The following NRXN1 variants were observed in gnomAD, a reference collection of about 807,000 sequenced individuals.
The protein encoded by NRXN1 is neurexin-1.
Under a neutral mutation model 150.9 loss-of-function variants are expected in NRXN1, and 39 were observed. The observed-to-expected ratio is 0.26, with a 90% CI of 0.20 to 0.34. The LOEUF is 0.34. NRXN1 is among the 10% of genes least tolerant of loss of function. The pLI, the probability that NRXN1 is intolerant of heterozygous loss-of-function variation, is 1.00. For missense variants in NRXN1, 1,815 were observed against 1,949.9 expected, an observed-to-expected ratio of 0.93 and a Z score of 1.30; for synonymous variants, 924 against 757.0, an observed-to-expected ratio of 1.22 and a Z score of -3.62.
chr2:50,693,294 C>T (rs905745646), intron 5 of NRXN1, among the ~76,000 whole-genome samples: 1 of 152,078 alleles, frequency 6.6e-6, no homozygotes, highest in Non-Finnish European at 1.5e-5. Context: ...AAATGCTAAC[C>T]GAATAACTAT....
At chr2:50,540,852 G>A (rs1049354588) in intron 9 of NRXN1, among the ~76,000 whole-genome samples, 1 of 152,112 alleles carries the variant, frequency 6.6e-6, no homozygotes, top group Admixed American at 6.5e-5. Context: ...AGTAGAGATG[G>A]AGTTTTGCAA....
intron 5 of NRXN1, among the ~76,000 whole-genome samples, chr2:50,885,872 G>C (rs951346021): frequency 9.8e-5 from 14 of 143,588 alleles, no homozygotes; most frequent in African/African-American, 3.6e-4. Context: ...ATTTAATGTA[G>C]TCCAAAGAGA....
intron 17 of NRXN1, among the ~76,000 whole-genome samples, chr2:50,445,332 C>A (rs113617988): frequency 1.3e-5 from 2 of 152,122 alleles, no homozygotes; most frequent in East Asian, 1.9e-4. Flanking sequence ...AGAGGAAGTA[C>A]GTGAATCTCT....
At chr2:50,009,120 T>A (rs1199194951) in intron 21 of NRXN1, among the ~76,000 whole-genome samples, 3 of 152,160 alleles carry the variant, frequency 2.0e-5, no homozygotes, top group Non-Finnish European at 4.4e-5. Context: ...ATTTTTACAA[T>A]CTTTGTATAG....
intron 5 of NRXN1, among the ~76,000 whole-genome samples, chr2:50,792,657 C>T (rs544179123): frequency 6.6e-6 from 1 of 151,784 alleles, no homozygotes; most frequent in Non-Finnish European, 1.5e-5. Flanking sequence ...TAAAACCTTC[C>T]ATTTTACCAA....
intron 18 of NRXN1, among the ~76,000 whole-genome samples, chr2:50,234,704 C>T (rs369425803): frequency 1.3e-5 from 2 of 152,034 alleles, no homozygotes; most frequent in South Asian, 2.1e-4. Context: ...CAGGAGGACA[C>T]GGTTTACGAG....
chr2:49,928,806 G>A (rs957682957), intron 22 of NRXN1, among the ~76,000 whole-genome samples: 5 of 152,086 alleles, frequency 3.3e-5, no homozygotes, highest in African/African-American at 1.2e-4. Flanking sequence ...CGGTGGTTTT[G>A]TAAGAAGTGA....
chr2:50,376,091 G>A (rs933826796), intron 17 of NRXN1, among the ~76,000 whole-genome samples: 1 of 151,158 alleles, frequency 6.6e-6, no homozygotes, highest in African/African-American at 2.4e-5. Context: ...TTGCTGAAGG[G>A]GAGAGTAAAG....
chr2:50,519,824 T>C (rs2092735836), intron 12 of NRXN1, among the ~76,000 whole-genome samples: 1 of 152,080 alleles, frequency 6.6e-6, no homozygotes, highest in South Asian at 2.1e-4. Flanking sequence ...CATGGTATAA[T>C]TTCCATTGGT....
chr2:50,481,005 A>T (rs895988394), intron 15 of NRXN1, among the ~76,000 whole-genome samples: 3 of 152,222 alleles, frequency 2.0e-5, no homozygotes, highest in Non-Finnish European at 2.9e-5. Context: ...ATATATTGTT[A>T]TATCTGGTTT....
intron 17 of NRXN1, among the ~76,000 whole-genome samples, chr2:50,426,496 GTGTAT>G (rs552862650): frequency 8.5e-4 from 129 of 152,264 alleles, no homozygotes; most frequent in African/African-American, 3.0e-3. Flanking sequence ...CAGCAACACA[GTGTAT>G]TGTATTTTGT....
chr2:50,067,419 C>T (rs1695532191), intron 19 of NRXN1, among the ~76,000 whole-genome samples: 1 of 152,188 alleles, frequency 6.6e-6, no homozygotes, highest in African/African-American at 2.4e-5. Flanking sequence ...TTTTGGATCT[C>T]ATTGCCTGTG....
intron 19 of NRXN1, among the ~76,000 whole-genome samples, chr2:50,072,413 G>A (rs1342013293): frequency 1.3e-5 from 2 of 151,776 alleles, no homozygotes; most frequent in African/African-American, 4.8e-5. Flanking sequence ...GGAAACTACT[G>A]TGAGATCCCA....
intron 5 of NRXN1, among the ~76,000 whole-genome samples, chr2:50,771,662 G>A (rs375108443): frequency 3.4e-4 from 52 of 152,190 alleles, no homozygotes; most frequent in African/African-American, 1.2e-3. Flanking sequence ...TACCAGTTTT[G>A]GCTGGAATCT....
chr2:50,355,109 G>T (rs1335107570), intron 17 of NRXN1, among the ~76,000 whole-genome samples: 1 of 151,916 alleles, frequency 6.6e-6, no homozygotes, highest in Non-Finnish European at 1.5e-5. Context: ...ATTTATCTTT[G>T]TGAATATATG....
At chr2:50,712,068 A>G (rs1052925408) in intron 5 of NRXN1, among the ~76,000 whole-genome samples, 1 of 152,198 alleles carries the variant, frequency 6.6e-6, no homozygotes, top group African/African-American at 2.4e-5. Context: ...AGTAGGAAAG[A>G]TAATTGTATT....
intron 5 of NRXN1, among the ~76,000 whole-genome samples, chr2:50,801,359 A>T (rs1306224865): frequency 6.6e-6 from 1 of 152,192 alleles, no homozygotes; most frequent in African/African-American, 2.4e-5. Context: ...TGATTATGTC[A>T]ATCTGCAATA....
intron 17 of NRXN1, among the ~76,000 whole-genome samples, chr2:50,361,482 C>T (rs899076459): frequency 2.0e-5 from 3 of 152,170 alleles, no homozygotes; most frequent in Non-Finnish European, 4.4e-5. Flanking sequence ...ACACTATAAA[C>T]ACCTCTATGC....
chr2:50,072,273 A>G (rs1163772049), intron 19 of NRXN1, among the ~76,000 whole-genome samples: 2 of 152,020 alleles, frequency 1.3e-5, no homozygotes, highest in African/African-American at 4.8e-5. Context: ...TAGCTTTCCA[A>G]GTTATGGAAA....
Sources: gnomAD v4.1 joint callset for allele counts (sites outside exome capture counted in the v4.1 genomes callset) on GRCh38, gnomAD v4.1.1 for gene constraint, MANE v1.5 for transcripts, NCBI Gene and HGNC (gene_info 2026-07-23, HGNC 2026-07-21) for gene names.